Variants in SGPP2 observed in about 807,000 individuals in gnomAD.
SGPP2 encodes the protein sphingosine 1-phosphate phosphohydrolase 2.
SGPP2 carries 30 observed loss-of-function variants against 33.9 expected under a neutral mutation model. That is an observed-to-expected ratio of 0.89 (90% CI 0.66 to 1.20). SGPP2 has a LOEUF of 1.20. SGPP2 is among the 50% of genes most tolerant of loss of function. The pLI is 0.00. For synonymous variants in SGPP2, 233 were observed against 225.0 expected, an observed-to-expected ratio of 1.04 and a Z score of -0.32; for missense variants, 458 against 532.1, an observed-to-expected ratio of 0.86 and a Z score of 1.37.
intron 4 of SGPP2, among the ~76,000 whole-genome samples, chr2:222,542,929 G>A (rs1489525696): frequency 5.3e-5 from 8 of 151,390 alleles, no homozygotes; most frequent in East Asian, 1.9e-4. Flanking sequence ...AGCTGGGACC[G>A]CAGTCGTGTG....
At chr2:222,512,619 T>C (rs1251722824) in intron 2 of SGPP2, among the ~76,000 whole-genome samples, 1 of 152,214 alleles carries the variant, frequency 6.6e-6, no homozygotes, top group Non-Finnish European at 1.5e-5. Context: ...AATTTCTCTG[T>C]GCTCTGCCTG....
At chr2:222,475,224 C>T (rs1697915735) in intron 2 of SGPP2, among the ~76,000 whole-genome samples, 1 of 152,122 alleles carries the variant, frequency 6.6e-6, no homozygotes, top group Non-Finnish European at 1.5e-5. Context: ...TGTGCACCAC[C>T]ACACGCGGTT....
chr2:222,493,583 G>A (rs1333200584), intron 2 of SGPP2, among the ~76,000 whole-genome samples: 1 of 152,138 alleles, frequency 6.6e-6, no homozygotes, highest in South Asian at 2.1e-4. Context: ...CAGTCCTCCC[G>A]CCTTGGCCTC....
chr2:222,501,791 C>CT (rs1698371487), intron 2 of SGPP2, among the ~76,000 whole-genome samples: 1 of 152,130 alleles, frequency 6.6e-6, no homozygotes, highest in Non-Finnish European at 1.5e-5. Flanking sequence ...TTCAACTAAA[C>CT]TTTTTCCCCA....
rs148366721 is a variant in SGPP2 at position 222,491,352 on chromosome 2, A to T, written c.378+16626A>T. ...GGTCTGTTTTCACACTGCTGTAAAGATACTACCTGAGGCTGGGTGATTTAT... is the reference window on the plus strand; with the variant it reads ...GGTCTGTTTTCACACTGCTGTAAAGTTACTACCTGAGGCTGGGTGATTTAT... On this transcript the variant is annotated intron_variant, in intron 2 of 4. Transcript: ENST00000321276. 3.2e-3 allele frequency among the ~76,000 whole-genome samples: 482 copies of T among 152,208 alleles called. 5 individuals carry two copies. The highest frequency in any genetic ancestry group is 0.011 in the African/African-American group (462 of 41,532).
At chr2:222,521,197 GAGTAAGAAC>G (rs1272840564) in intron 2 of SGPP2, among the ~76,000 whole-genome samples, 12 of 152,190 alleles carry the variant, frequency 7.9e-5, no homozygotes, top group Non-Finnish European at 1.8e-4. Context: ...CTAGCTGTTC[GAGTAAGAAC>G]AGTCACTTTT....
chr2:222,519,511 T>C (rs1698651706), intron 2 of SGPP2, among the ~76,000 whole-genome samples: 1 of 152,256 alleles, frequency 6.6e-6, no homozygotes. Flanking sequence ...AAGTCTGTTG[T>C]TAATAATCCT....
rs79365310 is a variant in SGPP2 at position 222,561,411 on chromosome 2, T to C, written c.*2513T>C. On this transcript the variant is annotated 3_prime_UTR_variant, in exon 5 of 5. Coordinates refer to ENST00000321276, the MANE Select transcript of SGPP2 (RefSeq NM_152386.4). The stretch of plus-strand genomic sequence containing the variant: ...TTTACACCAAATAATTGTGGTTGAC[T>C]TGTCTGAAGCCAGCTGACAAAAGGA... Among the ~76,000 whole-genome samples, 4,806 of 152,148 alleles carry C rather than the reference T, an allele frequency of 0.032. 119 individuals carry two copies. Among genetic ancestry groups the C allele is most frequent in the African/African-American group, 0.07 (2,916 of 41,528 alleles).
intron 4 of SGPP2, among the ~76,000 whole-genome samples, chr2:222,526,356 A>G (rs944404527): frequency 6.6e-6 from 1 of 152,164 alleles, no homozygotes; most frequent in African/African-American, 2.4e-5. Context: ...GAAAGGAGCA[A>G]TGAAGGGCCA....
In SGPP2 at chr2:222,558,548, G is replaced by C. The variant is rs770415356; in HGVS notation, c.850G>C (p.Gly284Arg). 1 of 1,614,148 alleles carries C rather than the reference G, an allele frequency of 6.2e-7. No individual in the cohort carries two copies. Among genetic ancestry groups the C allele is most frequent in the Non-Finnish European group, 8.5e-7 (1 of 1,180,018 alleles). Residue 284 changes from glycine (G) to arginine (R), a missense_variant, in exon 5 of 5, where the codon GGG (glycine) becomes CGG (arginine). Gly to Arg is a moderately radical substitution (Grantham distance 125). Coordinates refer to ENST00000321276, the MANE Select transcript of SGPP2 (RefSeq NM_152386.4). ...GGACACCACCACCATTCTGGCTGCC[G>C]GGGCTGGAGTGACCATAGGATTCTG... The part of the protein sequence containing the change: ...RADTTTILAA[G>R]AGVTIGFWIN...
rs115465355 is a variant in SGPP2 at position 222,501,022 on chromosome 2, C to A, written c.379-20745C>A. Among the ~76,000 whole-genome samples the A allele has an allele frequency of 7.4e-3, 1,122 of 152,294 alleles. 6 individuals are homozygous for A. Among genetic ancestry groups the A allele is most frequent in the Middle Eastern group, 0.014 (4 of 294 alleles). ...CACCATTTGGTTCAATGTTAATTTA[C>A]CTGCCACTGTAAGTAAAGTGGGGAG... On this transcript the variant is annotated intron_variant, in intron 2 of 4. Coordinates refer to ENST00000321276, the MANE Select transcript of SGPP2 (RefSeq NM_152386.4).
chr2:222,496,586 A>G (rs1698284148), intron 2 of SGPP2, among the ~76,000 whole-genome samples: 1 of 152,204 alleles, frequency 6.6e-6, no homozygotes, highest in Non-Finnish European at 1.5e-5. Context: ...TAAGCACCTT[A>G]AAATTACCTA....
chr2:222,557,290 TTTG>T (rs1689428403), intron 4 of SGPP2, among the ~76,000 whole-genome samples: 1 of 152,208 alleles, frequency 6.6e-6, no homozygotes, highest in Non-Finnish European at 1.5e-5. Context: ...TAGCACTGTG[TTTG>T]GCAAACAGTA....
chr2:222,525,106 A>C (rs1698739452), intron 4 of SGPP2, 73 bp downstream of exon 4: 5 of 1,018,724 alleles, frequency 4.9e-6, no homozygotes, highest in Non-Finnish European at 1.5e-6. Context: ...TATGTTTCTC[A>C]TACTACTTAT....
chr2:222,485,422 C>T (rs1307683331), intron 2 of SGPP2, among the ~76,000 whole-genome samples: 1 of 152,156 alleles, frequency 6.6e-6, no homozygotes, highest in Non-Finnish European at 1.5e-5. Flanking sequence ...CTCGAAAGGC[C>T]AGAGCATCAC....
At chr2:222,486,334 C>T (rs915868533) in intron 2 of SGPP2, among the ~76,000 whole-genome samples, 2 of 152,156 alleles carry the variant, frequency 1.3e-5, no homozygotes, top group Admixed American at 1.3e-4. Context: ...TCCTTGCTTG[C>T]GTACCCTTCT....
intron 2 of SGPP2, among the ~76,000 whole-genome samples, chr2:222,509,701 A>G (rs1390862098): frequency 6.6e-6 from 1 of 152,104 alleles, no homozygotes; most frequent in Non-Finnish European, 1.5e-5. Context: ...TCAAGAACAC[A>G]TAGAAAAGGT....
chr2:222,436,209 A>T (rs1392251659), intron 1 of SGPP2, among the ~76,000 whole-genome samples: 1 of 152,198 alleles, frequency 6.6e-6, no homozygotes, highest in African/African-American at 2.4e-5. Context: ...TAATGGAATC[A>T]TCGTTGTGCC....
intron 4 of SGPP2, among the ~76,000 whole-genome samples, chr2:222,554,273 C>A (rs1012633739): frequency 6.6e-6 from 1 of 152,202 alleles, no homozygotes; most frequent in Non-Finnish European, 1.5e-5. Flanking sequence ...ACTGTATGCA[C>A]TGTTCTGCAC....
Sources: allele counts gnomAD v4.1 joint callset (sites outside exome capture counted in the v4.1 genomes callset), GRCh38; gene constraint gnomAD v4.1.1; transcripts MANE v1.5; gene names NCBI Gene and HGNC (gene_info 2026-07-23, HGNC 2026-07-21).